The following TM6SF1 variants were observed in gnomAD, a reference collection of about 807,000 sequenced individuals.
TM6SF1 encodes the protein transmembrane 6 superfamily member 1.
Under a neutral mutation model 47.1 loss-of-function variants are expected in TM6SF1, and 43 were observed. The ratio of observed to expected loss-of-function variants is 0.91; its 90% CI spans 0.72 to 1.18. The LOEUF (loss-of-function observed/expected upper bound fraction) is 1.18. Ranked by LOEUF, TM6SF1 falls within the 50% of genes most tolerant of loss-of-function variation. TM6SF1 has a pLI of 0.00. For missense variants in TM6SF1, 390 were observed against 449.0 expected (o/e 0.87, Z 1.19); for synonymous variants, 177 against 166.3 (o/e 1.06, Z -0.49).
Position 83,115,916 on chromosome 15 carries a change from G to A in TM6SF1, c.268G>A (p.Gly90Arg), listed in dbSNP as rs762291987. ...ACTGGAGCAAGATGGAATCATTGAC[G>A]GGTTCATGACACACTACTTGAGAGA... Reference protein sequence around the residue: ...IGLEQDGIIDGFMTHYLREGE... With the variant: ...IGLEQDGIIDRFMTHYLREGE... Residue 90 changes from glycine (G) to arginine (R), a missense_variant, in exon 3 of 10, where the codon GGG becomes AGG. By Grantham distance (125) the Gly-to-Arg change is moderately radical. Transcript: ENST00000322019. 5 of 1,614,002 alleles carry A rather than the reference G, an allele frequency of 3.1e-6. No individual in the cohort carries two copies. The South Asian group carries it at 3.3e-5, about 11-fold the overall frequency.
chr15:83,116,011 A>G, intron 3 of TM6SF1, 69 bp downstream of exon 3: 1 of 1,210,528 alleles, frequency 8.3e-7, no homozygotes, highest in Admixed American at 1.7e-5. Flanking sequence ...TTACTCAGAG[A>G]CAGAAATCCT....
chr15:83,131,133 T>A (rs1288512403), intron 9 of TM6SF1: 1 of 152,102 alleles, frequency 6.6e-6, no homozygotes, highest in Non-Finnish European at 1.5e-5. Context: ...AAAATAGGCA[T>A]TTTTCTGTAA....
rs2036639654 is a variant in TM6SF1 at position 83,136,740 on chromosome 15, C to G, written c.*68C>G. On this transcript the variant is annotated 3_prime_UTR_variant, in exon 10 of 10. Transcript: ENST00000322019. Reference sequence around the variant, plus strand: ...GTTATACTGGTACTGATATTTTGTCCCATTTCACTCTCTTCTCATACGTGA... The same window carrying G: ...GTTATACTGGTACTGATATTTTGTCGCATTTCACTCTCTTCTCATACGTGA... 1.5e-6 allele frequency: 2 copies of G among 1,328,088 alleles called. No individual in the cohort carries two copies. Among genetic ancestry groups the G allele is most frequent in the Non-Finnish European group, 2.1e-6 (2 of 959,834 alleles). 82.3% of individuals were successfully genotyped at this position (1,328,088 alleles called of 1,614,324 possible). A position where few individuals can be genotyped will look rare whatever the true frequency, so the allele number is the denominator to read the frequency against.
intron 6 of TM6SF1, among the ~76,000 whole-genome samples, 154 bp downstream of exon 6, chr15:83,123,032 AT>A (rs1018216712): frequency 2.6e-5 from 4 of 152,220 alleles, no homozygotes; most frequent in African/African-American, 7.2e-5. Context: ...TAGCTTACGT[AT>A]TAATTAATGT....
intron 4 of TM6SF1, chr15:83,120,228 C>G (rs2035092399): frequency 6.3e-6 from 1 of 157,752 alleles, no homozygotes; most frequent in Admixed American, 6.0e-5. Flanking sequence ...TTGGTACCCC[C>G]ATCATGATAT....
rs1310511260 is a variant in TM6SF1, at chr15:83,126,770, C to A, written c.724C>A (p.Pro242Thr). The A allele has an allele frequency of 1.2e-6, 2 of 1,612,674 alleles. No individual in the cohort carries two copies. Among genetic ancestry groups the A allele is most frequent in the African/African-American group, 1.3e-5 (1 of 74,908 alleles). Reference protein sequence around the residue: ...LFRGLIALDCPSELCRLYTQF... With the variant: ...LFRGLIALDCTSELCRLYTQF... ...TTGTCCTTAGATTGCTTTGGATTGC[C>A]CATCTGAGCTCTGCCGATTATATAC... Residue 242 changes from proline (P) to threonine (T), a missense_variant, in exon 8 of 10, where the codon CCA (proline) becomes ACA (threonine). Coordinates refer to ENST00000322019, the MANE Select transcript of TM6SF1 (RefSeq NM_023003.5).
intron 6 of TM6SF1, 91 bp downstream of exon 6, chr15:83,122,969 G>T: frequency 4.1e-6 from 6 of 1,465,446 alleles, no homozygotes; most frequent in South Asian, 1.3e-5. Flanking sequence ...TGCCTCTGTG[G>T]ACTGGAGCAT....
At chr15:83,123,982 C>T (rs1321762571) in intron 6 of TM6SF1, among the ~76,000 whole-genome samples, 1 of 152,162 alleles carries the variant, frequency 6.6e-6, no homozygotes, top group African/African-American at 2.4e-5. Flanking sequence ...TAATTCTGCT[C>T]CTAGAGCCCT....
intron 9 of TM6SF1, 114 bp downstream of exon 9, chr15:83,127,591 T>C: frequency 8.4e-7 from 1 of 1,186,310 alleles, no homozygotes; most frequent in Non-Finnish European, 1.2e-6. Flanking sequence ...ATTAGACATG[T>C]CACCTTTTGT....
At chr15:83,120,365 C>G (rs1003687699) in intron 4 of TM6SF1, among the ~76,000 whole-genome samples, 2 of 152,330 alleles carry the variant, frequency 1.3e-5, no homozygotes, top group Admixed American at 1.3e-4. Context: ...CATGGTGGCA[C>G]ACCCACAGCT....
intron 9 of TM6SF1, chr15:83,132,079 TCA>T (rs1397753529): frequency 6.6e-6 from 1 of 152,374 alleles, no homozygotes; most frequent in East Asian, 1.9e-4. Context: ...TCTCTGATCC[TCA>T]GTTTCCTCTT....
chr15:83,112,673 G>A (rs2034293145), intron 1 of TM6SF1, 124 bp from the exon 2 acceptor site: 1 of 735,546 alleles, frequency 1.4e-6, no homozygotes, highest in Non-Finnish European at 2.4e-6. Flanking sequence ...GGGAGCTGCA[G>A]GCAGAGGCAG....
chr15:83,133,847 C>T (rs2036432342), intron 9 of TM6SF1: 1 of 152,236 alleles, frequency 6.6e-6, no homozygotes, highest in Non-Finnish European at 1.5e-5. Flanking sequence ...ACTTAACATC[C>T]TATGCCTTAG....
intron 1 of TM6SF1, among the ~76,000 whole-genome samples, chr15:83,108,882 C>A (rs1420337710): frequency 1.3e-5 from 2 of 152,248 alleles, no homozygotes; most frequent in Non-Finnish European, 2.9e-5. Flanking sequence ...TACCCTTGGT[C>A]TGGCCCAGTC....
intron 9 of TM6SF1, chr15:83,133,680 AC>A (rs1302405774): frequency 2.0e-5 from 3 of 152,234 alleles, no homozygotes; most frequent in Non-Finnish European, 4.4e-5. Flanking sequence ...TGACCCCAGC[AC>A]AGGCTCAGGC....
Position 83,122,808 on chromosome 15 carries a change from C to T in TM6SF1, c.533C>T (p.Thr178Ile), listed in dbSNP as rs759611964. The T allele has an allele frequency of 2.5e-6, 4 of 1,613,968 alleles. No individual in the cohort carries two copies. The highest frequency in any genetic ancestry group is 3.4e-6 in the Non-Finnish European group (4 of 1,179,932). Residue 178 changes from threonine to isoleucine, a missense_variant, in exon 6 of 10, where the codon ACT (threonine) becomes ATT (isoleucine). Coordinates refer to ENST00000322019, the MANE Select transcript of TM6SF1 (RefSeq NM_023003.5). ...GCTTTTTTCTTAAGCATACCATATACTTGTCTTCCTGTCTGGGCTGGTTTC... is the reference window on the plus strand; with the variant it reads ...GCTTTTTTCTTAAGCATACCATATATTTGTCTTCCTGTCTGGGCTGGTTTC... ...CPAFFLSIPY[T>I]CLPVWAGFRI... is the part of the protein sequence containing the mutation.
At position 83,136,467 on chromosome 15, in the gene TM6SF1, T is replaced by TG; in HGVS notation, c.922-14_922-13insG. On this transcript the variant is annotated splice_polypyrimidine_tract_variant and intron_variant, in intron 9 of 9. Coordinates refer to ENST00000322019, the MANE Select transcript of TM6SF1 (RefSeq NM_023003.5). ...TTTCATGCTTACTCAATTTTTTTTTTTTAAATGCAACAGGCTCAGTTTTCT... is the reference window on the plus strand; with the variant it reads ...TTTCATGCTTACTCAATTTTTTTTTTGTTAAATGCAACAGGCTCAGTTTTCT... 6.4e-7 allele frequency: 1 copy of TG among 1,568,250 alleles called. No individual in the cohort carries two copies. Among genetic ancestry groups the TG allele is most frequent in the Non-Finnish European group, 8.6e-7 (1 of 1,163,822 alleles).
At chr15:83,121,072 CT>C (rs956601872) in intron 4 of TM6SF1, among the ~76,000 whole-genome samples, 79 of 146,854 alleles carry the variant, frequency 5.4e-4, no homozygotes, top group African/African-American at 6.7e-4. Context: ...ATTGAAGGAA[CT>C]TTTTTTTTTT....
Position 83,122,846 on chromosome 15 carries a change from C to T in TM6SF1, c.571C>T (p.Gln191Ter). 2 of 1,614,070 alleles carry T rather than the reference C, an allele frequency of 1.2e-6. No homozygotes were observed. The highest frequency in any genetic ancestry group is 1.7e-6 in the Non-Finnish European group (2 of 1,179,984). Residue 191 changes from glutamine to a stop codon, truncating the protein, a stop_gained, in exon 6 of 10, where the codon CAG becomes TAG. Coordinates refer to ENST00000322019, the MANE Select transcript of TM6SF1 (RefSeq NM_023003.5). LOFTEE classifies it high-confidence loss of function. ...PVWAGFRIYN[Q>*]PSENYNYPSK... is the part of the protein sequence containing the mutation. ...CTGGGCTGGTTTCAGAATCTATAATCAGCCATCAGAAAATTATAATTACCC... is the reference window on the plus strand; with the variant it reads ...CTGGGCTGGTTTCAGAATCTATAATTAGCCATCAGAAAATTATAATTACCC...
Sources: allele counts gnomAD v4.1 joint callset (sites outside exome capture counted in the v4.1 genomes callset), GRCh38; gene constraint gnomAD v4.1.1; transcripts MANE v1.5; gene names NCBI Gene and HGNC (gene_info 2026-07-23, HGNC 2026-07-21).